Variants in CREBL2 observed in about 807,000 individuals in gnomAD.
CREBL2 encodes the protein cAMP responsive element binding protein like 2, also known as cAMP-responsive element-binding protein-like 2.
A neutral mutation model predicts 19.5 loss-of-function variants in CREBL2; 4 were observed. That is an observed-to-expected ratio of 0.20 (90% CI 0.10 to 0.47). The LOEUF (loss-of-function observed/expected upper bound fraction) is 0.47, where lower values mean the gene tolerates loss of function less well. Ranked by LOEUF, CREBL2 falls within the 20% of genes least tolerant of loss-of-function variation. CREBL2 has a pLI of 0.98. For synonymous variants in CREBL2, 42 were observed against 46.6 expected, an observed-to-expected ratio of 0.90 and a Z score of 0.40; for missense variants, 85 against 145.1, an observed-to-expected ratio of 0.59 and a Z score of 2.13.
chr12:12,614,837 G>T, intron 1 of CREBL2: 2 of 320,688 alleles, frequency 6.2e-6, no homozygotes, highest in Admixed American at 3.5e-5. Context: ...TTTTGCCATA[G>T]TAAGATTTGT....
At chr12:12,618,691 G>A (rs1945335463) in intron 1 of CREBL2, among the ~76,000 whole-genome samples, 1 of 152,214 alleles carries the variant, frequency 6.6e-6, no homozygotes, top group Non-Finnish European at 1.5e-5. Context: ...GCTGGGAGGT[G>A]GAGGTTGTAG....
intron 1 of CREBL2, among the ~76,000 whole-genome samples, chr12:12,626,196 G>T (rs1170829053): frequency 4.2e-5 from 5 of 118,542 alleles, no homozygotes; most frequent in Admixed American, 8.0e-5. Flanking sequence ...AGAAGCCCCA[G>T]TTAACTCCTA....
chr12:12,641,247 A>ATTTTTTTTTTTTTTTTTTTT (rs1380373401), intron 3 of CREBL2, among the ~76,000 whole-genome samples: 13 of 22,062 alleles, frequency 5.9e-4, no homozygotes, highest in East Asian at 2.1e-3. Context: ...TATTATTATT[A>ATTTTTTTTTTTTTTTTTTTT]TTATTATTTT....
Position 12,611,990 on chromosome 12 carries a change from C to G in CREBL2, c.-183C>G. ...GGGGCCGCCTCCAGGGTCCGCTCTGCCATTCCTGAACTGGTCCCTCGTCCC... is the reference window on the plus strand; with the variant it reads ...GGGGCCGCCTCCAGGGTCCGCTCTGGCATTCCTGAACTGGTCCCTCGTCCC... On this transcript the variant is annotated 5_prime_UTR_variant, in exon 1 of 4. Transcript: ENST00000228865. 1.5e-6 allele frequency: 1 copy of G among 682,766 alleles called. No individual in the cohort carries two copies. Among genetic ancestry groups the G allele is most frequent in the Non-Finnish European group, 2.4e-6 (1 of 414,336 alleles). The allele number at this position is 682,766 out of a possible 1,614,324, so 42.3% of individuals were successfully genotyped here.
intron 3 of CREBL2, 44 bp from the exon 4 acceptor site, chr12:12,641,950 T>C (rs1232666975): frequency 7.0e-7 from 1 of 1,419,872 alleles, no homozygotes. Flanking sequence ...TCAAACTTTA[T>C]TGACTCTAAA....
At chr12:12,612,244 C>T (rs944788720) in intron 1 of CREBL2, 57 bp downstream of exon 1, 6 of 1,612,458 alleles carry the variant, frequency 3.7e-6, no homozygotes, top group Non-Finnish European at 5.1e-6. Context: ...GCTAGTCCCG[C>T]GGCTGAACCT....
chr12:12,641,286 C>G (rs1234318704), intron 3 of CREBL2, among the ~76,000 whole-genome samples: 3 of 94,906 alleles, frequency 3.2e-5, no homozygotes, highest in Non-Finnish European at 4.4e-5. Flanking sequence ...TTAGGTCAAC[C>G]TCTGGGAGCA....
intron 1 of CREBL2, among the ~76,000 whole-genome samples, chr12:12,628,421 T>C (rs1393767086): frequency 1.3e-5 from 2 of 152,214 alleles, no homozygotes; most frequent in Non-Finnish European, 2.9e-5. Flanking sequence ...TCCCTTATCA[T>C]ATTTGTGATT....
intron 1 of CREBL2, among the ~76,000 whole-genome samples, chr12:12,628,029 G>A (rs768764783): frequency 1.3e-5 from 2 of 152,122 alleles, no homozygotes; most frequent in Admixed American, 6.5e-5. Context: ...ACAGGCGCGC[G>A]CCACCATGCC....
intron 3 of CREBL2, among the ~76,000 whole-genome samples, chr12:12,639,502 A>G (rs1945501260): frequency 6.6e-6 from 1 of 152,114 alleles, no homozygotes; most frequent in Non-Finnish European, 1.5e-5. Flanking sequence ...ATGGGTATGG[A>G]GTGGTATCTC....
At chr12:12,637,493 C>T (rs35527447) in intron 2 of CREBL2, 77 bp from the exon 3 acceptor site, 30,059 of 980,044 alleles carry the variant, frequency 0.031, 745 homozygotes, top group Admixed American at 0.15. Context: ...ACCAGTGGTT[C>T]CTGAACTCTG....
intron 1 of CREBL2, chr12:12,632,470 A>G (rs1945448976): frequency 6.6e-6 from 1 of 152,224 alleles, no homozygotes; most frequent in African/African-American, 2.4e-5. Flanking sequence ...CTTTTATTTT[A>G]TATTTTTATG....
At chr12:12,636,922 T>G (rs1019718429) in intron 2 of CREBL2, among the ~76,000 whole-genome samples, 2 of 152,192 alleles carry the variant, frequency 1.3e-5, no homozygotes, top group Non-Finnish European at 2.9e-5. Flanking sequence ...TTTTAGAAAG[T>G]AAGACAACAA....
Position 12,612,022 on chromosome 12 carries a change from T to A in CREBL2, c.-151T>A. ...TGAACTGGTCCCTCGTCCCCGTGAC[T>A]CTGGCATCAGGGAAGCGAACTGTTA... On this transcript the variant is annotated 5_prime_UTR_variant, in exon 1 of 4. Transcript: ENST00000228865. 1.1e-6 allele frequency: 1 copy of A among 924,146 alleles called. No individual in the cohort carries two copies. Among genetic ancestry groups the A allele is most frequent in the Non-Finnish European group, 1.7e-6 (1 of 602,824 alleles). The allele number at this position is 924,146 out of a possible 1,614,324, so 57.2% of individuals were successfully genotyped here.
intron 1 of CREBL2, among the ~76,000 whole-genome samples, chr12:12,623,991 G>A (rs1210341341): frequency 1.3e-5 from 2 of 152,154 alleles, no homozygotes; most frequent in Non-Finnish European, 2.9e-5. Context: ...GGCAAAGAAT[G>A]GATTCTTCCC....
At position 12,641,253 on chromosome 12, in the gene CREBL2, A is replaced by ATTTTTTT. The variant is rs142404101; in HGVS notation, c.359-738_359-732dup. Among the ~76,000 whole-genome samples the ATTTTTTT allele has an allele frequency of 8.7e-4, 68 of 78,214 alleles. 10 individuals are homozygous for ATTTTTTT. The highest frequency in any genetic ancestry group is 1.0e-3 in the Non-Finnish European group (40 of 39,924). 51.3% of individuals were successfully genotyped at this position (78,214 alleles called of 152,430 possible). ...TATTATTATTATTATTATTATTATT[A>ATTTTTTT]TTTTTTTTTATTTTTTTTTTTTTTA... On this transcript the variant is annotated intron_variant, in intron 3 of 3. Transcript: ENST00000228865.
intron 1 of CREBL2, among the ~76,000 whole-genome samples, chr12:12,631,497 G>A (rs180727722): frequency 6.0e-4 from 91 of 152,264 alleles, no homozygotes; most frequent in African/African-American, 2.1e-3. Flanking sequence ...AGTTTATGTC[G>A]GTACATGAAA....
intron 1 of CREBL2, among the ~76,000 whole-genome samples, chr12:12,629,455 A>G (rs1945426590): frequency 6.6e-6 from 1 of 152,128 alleles, no homozygotes; most frequent in African/African-American, 2.4e-5. Flanking sequence ...TGATTTTTGT[A>G]TATTGATCTT....
intron 1 of CREBL2, among the ~76,000 whole-genome samples, chr12:12,628,515 A>G (rs1185578023): frequency 6.6e-6 from 1 of 152,202 alleles, no homozygotes; most frequent in Non-Finnish European, 1.5e-5. Flanking sequence ...TGCTTATCAT[A>G]TCTAAGAAAC....
Sources: allele counts gnomAD v4.1 joint callset (sites outside exome capture counted in the v4.1 genomes callset), GRCh38; gene constraint gnomAD v4.1.1; transcripts MANE v1.5; gene names NCBI Gene and HGNC (gene_info 2026-07-23, HGNC 2026-07-21).